The following DAB1 variants were observed in gnomAD, a reference collection of about 807,000 sequenced individuals.
DAB1 encodes the protein disabled homolog 1.
Under a neutral mutation model 64.6 loss-of-function variants are expected in DAB1, and 15 were observed. The observed-to-expected ratio is 0.23, with a 90% CI of 0.16 to 0.36. The LOEUF (loss-of-function observed/expected upper bound fraction) is 0.36. DAB1 is among the 10% of genes least tolerant of loss of function. The probability of loss-of-function intolerance (pLI) is 1.00; values close to 1 mark genes in which losing one functional copy is unlikely to be tolerated. For synonymous variants in DAB1, 235 were observed against 251.9 expected, an observed-to-expected ratio of 0.93 and a Z score of 0.64; for missense variants, 596 against 706.7, an observed-to-expected ratio of 0.84 and a Z score of 1.78.
chr1:58,386,729 G>A (rs1359543861), intron 3 of DAB1, among the ~76,000 whole-genome samples: 1 of 152,178 alleles, frequency 6.6e-6, no homozygotes, highest in Admixed American at 6.5e-5. Context: ...TCTTTTAGAA[G>A]GCTGTCATAC....
At chr1:58,352,507 G>A (rs1402918116) in intron 3 of DAB1, among the ~76,000 whole-genome samples, 1 of 152,192 alleles carries the variant, frequency 6.6e-6, no homozygotes, top group African/African-American at 2.4e-5. Flanking sequence ...GATGAGTAAA[G>A]TTTAGAGATT....
rs570596564 is a variant in DAB1, at chr1:57,358,985, A to T, written c.-137+64945T>A. Among the ~76,000 whole-genome samples, 60 of 152,224 alleles carry T rather than the reference A, an allele frequency of 3.9e-4. 1 individual carries two copies. Among genetic ancestry groups the T allele is most frequent in the African/African-American group, 1.4e-3 (60 of 41,576 alleles). The stretch of plus-strand genomic sequence containing the variant: ...TAAGGATTTAAATATATTAATCAAA[A>T]CTACAAAACTACTAGAAGAAAATAT... On this transcript the variant is annotated intron_variant, in intron 1 of 14. Coordinates refer to ENST00000371236, the MANE Select transcript of DAB1 (RefSeq NM_001365792.1).
rs371991882 is a variant in DAB1, at chr1:57,229,782, T to C, written c.67+61182A>G. Reference sequence around the variant, plus strand: ...CTGCTTCCAAGCAAAAGGAAACACATTGTTACTTTCATTGTTGGAAGAGTT... The same window carrying C: ...CTGCTTCCAAGCAAAAGGAAACACACTGTTACTTTCATTGTTGGAAGAGTT... On this transcript the variant is annotated intron_variant, in intron 2 of 14. Coordinates refer to ENST00000371236, the MANE Select transcript of DAB1 (RefSeq NM_001365792.1). Among the ~76,000 whole-genome samples the C allele has an allele frequency of 2.5e-4, 38 of 152,292 alleles. No individual in the cohort carries two copies. In the East Asian group the frequency reaches 3.7e-3, roughly 15 times the overall value.
intron 5 of DAB1, among the ~76,000 whole-genome samples, chr1:58,110,881 T>G (rs951899379): frequency 2.6e-5 from 4 of 152,220 alleles, no homozygotes; most frequent in Non-Finnish European, 5.9e-5. Flanking sequence ...CATATTTCAA[T>G]AGTACCTCAA....
chr1:57,390,593 T>C (rs1446112707), intron 1 of DAB1, among the ~76,000 whole-genome samples: 1 of 152,168 alleles, frequency 6.6e-6, no homozygotes, highest in East Asian at 1.9e-4. Flanking sequence ...TTCTGGACAA[T>C]TAACACTTAT....
At chr1:58,050,788 C>A (rs986648947) in intron 5 of DAB1, among the ~76,000 whole-genome samples, 1 of 152,154 alleles carries the variant, frequency 6.6e-6, no homozygotes, top group Admixed American at 6.5e-5. Context: ...CTCGGCCTCC[C>A]AAAGTGCTGA....
chr1:57,507,653 T>C (rs149097047), intron 7 of DAB1, among the ~76,000 whole-genome samples: 92 of 152,276 alleles, frequency 6.0e-4, no homozygotes, highest in African/African-American at 2.0e-3. Context: ...CAACCACATC[T>C]TTCTCCCTTC....
At chr1:58,104,138 C>T (rs1651496613) in intron 5 of DAB1, among the ~76,000 whole-genome samples, 1 of 152,236 alleles carries the variant, frequency 6.6e-6, no homozygotes, top group Non-Finnish European at 1.5e-5. Flanking sequence ...TAGCAGTGTG[C>T]CAGGCACAGA....
intron 2 of DAB1, among the ~76,000 whole-genome samples, chr1:57,154,846 T>C (rs143650396): frequency 1.3e-5 from 2 of 152,252 alleles, no homozygotes; most frequent in Non-Finnish European, 2.9e-5. Context: ...TGTCTTCTTT[T>C]GAGAAATGTC....
chr1:58,025,847 C>A (rs890399807), intron 5 of DAB1, among the ~76,000 whole-genome samples: 2 of 151,556 alleles, frequency 1.3e-5, no homozygotes, highest in Non-Finnish European at 2.9e-5. Flanking sequence ...AAGTCTCCAG[C>A]CTCATCTCTC....
chr1:58,516,684 C>G lies in DAB1; in HGVS notation n.108-10475G>C, dbSNP rs527617842. Among the ~76,000 whole-genome samples the G allele has an allele frequency of 6.6e-5, 10 of 152,226 alleles. No individual in the cohort carries two copies. In the East Asian group the frequency reaches 1.9e-3, roughly 29 times the overall value. On this transcript the variant is annotated intron_variant and non_coding_transcript_variant, in intron 2 of 20. Transcript: ENST00000485760. The stretch of plus-strand genomic sequence containing the variant: ...TTGAAAGAGGCTTCATGAGTAACAT[C>G]GTTTTTGTGAATTTTGCACGTTGAA...
At chr1:58,485,824 T>C (rs975694574) in intron 3 of DAB1, among the ~76,000 whole-genome samples, 1 of 152,236 alleles carries the variant, frequency 6.6e-6, no homozygotes, top group East Asian at 1.9e-4. Context: ...AACAAACGCA[T>C]GCTAAATTTT....
intron 6 of DAB1, among the ~76,000 whole-genome samples, chr1:57,671,896 A>G (rs1396621217): frequency 6.6e-6 from 1 of 152,096 alleles, no homozygotes; most frequent in East Asian, 1.9e-4. Context: ...TTACATATCT[A>G]TATTTCTTTC....
intron 2 of DAB1, among the ~76,000 whole-genome samples, chr1:57,286,133 C>T (rs1672298087): frequency 6.6e-6 from 1 of 152,138 alleles, no homozygotes; most frequent in Non-Finnish European, 1.5e-5. Flanking sequence ...AAATCGCCTG[C>T]CTAGAAACTC....
At chr1:56,998,453 A>G (rs1462393604) in intron 14 of DAB1, among the ~76,000 whole-genome samples, 2 of 152,198 alleles carry the variant, frequency 1.3e-5, no homozygotes, top group African/African-American at 4.8e-5. Context: ...GGTTTCTCCA[A>G]CCACAAAATG....
chr1:57,422,909 C>T (rs1685034274), intron 1 of DAB1, among the ~76,000 whole-genome samples: 1 of 152,158 alleles, frequency 6.6e-6, no homozygotes, highest in Non-Finnish European at 1.5e-5. Context: ...AGAAAAGATG[C>T]GCCCTCCCAC....
chr1:58,330,399 A>T (rs1662942388), intron 4 of DAB1, among the ~76,000 whole-genome samples: 1 of 152,246 alleles, frequency 6.6e-6, no homozygotes, highest in African/African-American at 2.4e-5. Flanking sequence ...AAGGTGGAGC[A>T]GCAAGTGCTG....
chr1:57,687,599 C>CAAAAAAAAAAAAAAAAAAAAGAAAA (rs1646714944), intron 6 of DAB1, among the ~76,000 whole-genome samples: 1 of 82,436 alleles, frequency 1.2e-5, no homozygotes, highest in Non-Finnish European at 2.5e-5. Context: ...TCTTAAGAAA[C>CAAAAAAAAAAAAAAAAAAAAGAAAA]AAAAAAAAAA....
chr1:58,339,462 A>G lies in DAB1; in HGVS notation n.309+3890T>C, dbSNP rs535164975. 5.3e-5 allele frequency among the ~76,000 whole-genome samples: 8 copies of G among 152,312 alleles called. No homozygotes were observed. The East Asian group carries it at 1.5e-3, about 29-fold the overall frequency. ...ATTTTTCATATTATGTTACAAGGTG[A>G]TAAGTGTTATGAAAAAATATAATAG... is the stretch of plus-strand genomic sequence containing the variant. On this transcript the variant is annotated intron_variant and non_coding_transcript_variant, in intron 4 of 20. Transcript: ENST00000485760.
Sources: allele counts gnomAD v4.1 joint callset (sites outside exome capture counted in the v4.1 genomes callset), GRCh38; gene constraint gnomAD v4.1.1; transcripts MANE v1.5; gene names NCBI Gene and HGNC (gene_info 2026-07-23, HGNC 2026-07-21).